MYCBP2: variants seen among roughly 807,000 people sequenced by gnomAD.
MYCBP2 encodes the protein MYC binding protein 2.
In MYCBP2, 120 loss-of-function variants were observed where a neutral mutation model predicts 525.3. The ratio of observed to expected loss-of-function variants is 0.23; its 90% CI spans 0.20 to 0.27. MYCBP2 has a LOEUF of 0.27. Ranked by LOEUF, MYCBP2 falls within the 10% of genes least tolerant of loss-of-function variation. The pLI is 1.00. For missense variants in MYCBP2, 4,149 were observed against 5,657.1 expected, an observed-to-expected ratio of 0.73 and a Z score of 8.55; for synonymous variants, 1,894 against 1,955.8, an observed-to-expected ratio of 0.97 and a Z score of 0.83.
At chr13:77,260,630 G>A in intron 12 of MYCBP2, 38 bp from the exon 13 acceptor site, 1 of 1,457,350 alleles carries the variant, frequency 6.9e-7, no homozygotes, top group South Asian at 1.3e-5. Context: ...AGACCTCTAT[G>A]TACAAATAAT....
chr13:77,293,985 T>C (rs2077760411), intron 2 of MYCBP2, among the ~76,000 whole-genome samples: 1 of 149,562 alleles, frequency 6.7e-6, no homozygotes, highest in East Asian at 2.0e-4. Flanking sequence ...TAAATAAGAG[T>C]TTTTCTAAAA....
chr13:77,286,184 C>T (rs2076739636), intron 3 of MYCBP2, among the ~76,000 whole-genome samples: 1 of 152,184 alleles, frequency 6.6e-6, no homozygotes, highest in Admixed American at 6.5e-5. Context: ...CAAAAGAACT[C>T]AGACCAGGTT....
At chr13:77,255,744 G>A (rs1183447277) in intron 14 of MYCBP2, among the ~76,000 whole-genome samples, 2 of 151,698 alleles carry the variant, frequency 1.3e-5, no homozygotes, top group African/African-American at 2.4e-5. Context: ...ACAGACACAC[G>A]AATAAGGCAA....
At chr13:77,225,324 C>T (rs2066106583) in intron 19 of MYCBP2, 111 bp downstream of exon 19, 17 of 1,411,644 alleles carry the variant, frequency 1.2e-5, no homozygotes, top group East Asian at 4.6e-5. Flanking sequence ...GAGACTGCCA[C>T]GCTACAGCTT....
rs780509236 is a variant in MYCBP2, at chr13:77,168,409, A to C, written c.6114+19T>G. Reference sequence around the variant, plus strand: ...ATGCCAAGTTTTACATTCGAATCACACTAAGAACCGGTGCCTACCTTGTAA... The same window carrying C: ...ATGCCAAGTTTTACATTCGAATCACCCTAAGAACCGGTGCCTACCTTGTAA... On this transcript the variant is annotated intron_variant, in intron 40 of 82. Coordinates refer to ENST00000544440, the MANE Select transcript of MYCBP2 (RefSeq NM_015057.5). The C allele has an allele frequency of 2.5e-6, 4 of 1,607,900 alleles. No individual in the cohort carries two copies. In the East Asian group the frequency reaches 6.7e-5, roughly 27 times the overall value.
chr13:77,099,052 T>C, intron 55 of MYCBP2, 39 bp from the exon 56 acceptor site: 2 of 1,582,606 alleles, frequency 1.3e-6, no homozygotes. Flanking sequence ...ATTAATAAAA[T>C]TATAACTTAC....
chr13:77,289,812 C>T (rs1053125913), intron 2 of MYCBP2, among the ~76,000 whole-genome samples: 4 of 151,862 alleles, frequency 2.6e-5, no homozygotes, highest in Non-Finnish European at 4.4e-5. Flanking sequence ...AAAAAGTTAC[C>T]AGAAATAGTA....
At chr13:77,162,101 T>C (rs2058005156) in intron 43 of MYCBP2, 146 bp from the exon 44 acceptor site, 1 of 625,322 alleles carries the variant, frequency 1.6e-6, no homozygotes, top group East Asian at 2.8e-5. Flanking sequence ...GAAAAAATCC[T>C]AGTGGCATAC....
intron 17 of MYCBP2, among the ~76,000 whole-genome samples, chr13:77,238,242 C>CAAAAAAAAAA (rs772175406): frequency 3.5e-5 from 1 of 28,308 alleles, no homozygotes. Flanking sequence ...GACTCCGTCT[C>CAAAAAAAAAA]AAAAAAAAAA....
chr13:77,273,770 G>T, intron 4 of MYCBP2, 102 bp from the exon 5 acceptor site: 1 of 893,088 alleles, frequency 1.1e-6, no homozygotes, highest in Non-Finnish European at 1.5e-6. Context: ...CGAAATTTAA[G>T]GAATCTAGAA....
At chr13:77,144,351 CT>C in intron 49 of MYCBP2, 93 bp downstream of exon 49, 1 of 808,504 alleles carries the variant, frequency 1.2e-6, no homozygotes, top group Non-Finnish European at 2.1e-6. Context: ...ATCCATATGT[CT>C]AGTGCAAGTT....
chr13:77,211,327 A>T lies in MYCBP2; in HGVS notation c.3263-7T>A. 2.2e-6 allele frequency: 3 copies of T among 1,350,982 alleles called. No individual in the cohort carries two copies. 83.7% of individuals were successfully genotyped at this position (1,350,982 alleles called of 1,614,324 possible). ...ATAGAAGCAGGTACCAAGCCTTAAG[A>T]AAAAAATATTTATATATAATTTTAA... is the stretch of plus-strand genomic sequence containing the variant. On this transcript the variant is annotated splice_region_variant and splice_polypyrimidine_tract_variant and intron_variant, in intron 22 of 82. Transcript: ENST00000544440.
intron 11 of MYCBP2, 32 bp from the exon 12 acceptor site, chr13:77,261,407 T>C (rs1300975970): frequency 1.3e-6 from 2 of 1,496,414 alleles, no homozygotes; most frequent in African/African-American, 1.4e-5. Flanking sequence ...GGAATTATGG[T>C]ACTTTTTGGA....
chr13:77,277,873 A>G (rs1337302515), intron 4 of MYCBP2, among the ~76,000 whole-genome samples: 1 of 152,242 alleles, frequency 6.6e-6, no homozygotes, highest in African/African-American at 2.4e-5. Context: ...AAAGACCCAT[A>G]GTTAGCATCG....
rs2066128607 is a variant in MYCBP2, at chr13:77,225,454, G to A, written c.2838C>T (p.Ser946=). 4 of 1,613,530 alleles carry A rather than the reference G, an allele frequency of 2.5e-6. No homozygotes were observed. The highest frequency in any genetic ancestry group is 3.4e-6 in the Non-Finnish European group (4 of 1,179,724). Residue 946 remains serine (S), a synonymous_variant, in exon 19 of 83, where the codon AGC becomes AGT. Coordinates refer to ENST00000544440, the MANE Select transcript of MYCBP2 (RefSeq NM_015057.5). ...CGCTACCTGAATGGTGAAATCCACA[G>A]CTGACTTGGACTGCCCGGAGCTCAC... ...FDCELRAVQV[S]CGFHHSVVLM... is the part of the protein sequence containing the mutation.
At chr13:77,310,716 A>C (rs1486140938) in intron 1 of MYCBP2, among the ~76,000 whole-genome samples, 1 of 152,110 alleles carries the variant, frequency 6.6e-6, no homozygotes, top group Non-Finnish European at 1.5e-5. Flanking sequence ...CATCACACAG[A>C]TCTAACAAAC....
chr13:77,069,692 TAAAAAAAAAA>T (rs752290620), intron 69 of MYCBP2, among the ~76,000 whole-genome samples: 6 of 70,350 alleles, frequency 8.5e-5, no homozygotes, highest in Non-Finnish European at 1.4e-4. Flanking sequence ...CCGTCTGTAC[TAAAAAAAAAA>T]AAAAAAAAAA....
intron 34 of MYCBP2, among the ~76,000 whole-genome samples, chr13:77,178,288 C>T (rs916026273): frequency 2.0e-5 from 3 of 152,116 alleles, no homozygotes; most frequent in African/African-American, 7.2e-5. Flanking sequence ...AAAATTTCAT[C>T]GAAATTCTAT....
intron 34 of MYCBP2, 35 bp downstream of exon 34, chr13:77,180,092 T>A (rs2060080008): frequency 1.3e-6 from 2 of 1,521,662 alleles, no homozygotes; most frequent in African/African-American, 2.8e-5. Context: ...CTTACACATG[T>A]GCTTTTTATC....
Sources: gnomAD v4.1 joint callset for allele counts (sites outside exome capture counted in the v4.1 genomes callset) on GRCh38, gnomAD v4.1.1 for gene constraint, MANE v1.5 for transcripts, NCBI Gene and HGNC (gene_info 2026-07-23, HGNC 2026-07-21) for gene names.